Variants in ACIN1 observed in about 807,000 individuals in gnomAD.
ACIN1 encodes apoptotic chromatin condensation inducer in the nucleus.
A neutral mutation model predicts 146.6 loss-of-function variants in ACIN1; 16 were observed. The observed-to-expected ratio is 0.11, with a 90% CI of 0.07 to 0.17. The LOEUF is 0.17. Among genes scored for constraint, ACIN1 ranks in the 10% least tolerant of loss-of-function variants. The pLI is 1.00. For synonymous variants in ACIN1, 569 were observed against 582.7 expected, an observed-to-expected ratio of 0.98 and a Z score of 0.34; for missense variants, 1,357 against 1,609.3, an observed-to-expected ratio of 0.84 and a Z score of 2.68.
intron 1 of ACIN1, chr14:23,094,504 A>G (rs1458212702): frequency 1.0e-6 from 1 of 985,102 alleles, no homozygotes; most frequent in Non-Finnish European, 1.2e-6. Context: ...TCCTCATCTA[A>G]TCGAGCAGAC....
At chr14:23,076,970 A>T (rs1304873103) in intron 8 of ACIN1, among the ~76,000 whole-genome samples, 1 of 152,180 alleles carries the variant, frequency 6.6e-6, no homozygotes, top group Non-Finnish European at 1.5e-5. Flanking sequence ...AAAACCAAAA[A>T]ATTTCAAAGG....
intron 18 of ACIN1, among the ~76,000 whole-genome samples, chr14:23,059,758 A>G (rs1164468000): frequency 1.4e-5 from 2 of 148,108 alleles, no homozygotes; most frequent in Non-Finnish European, 3.0e-5. Context: ...GGTTCACACC[A>G]TTCTCCTGCC....
rs2047193806 is a variant in ACIN1, at chr14:23,059,352, CTG to C, written c.3646_3647del (p.Gln1216AlafsTer32). 6.2e-7 allele frequency: 1 copy of C among 1,610,722 alleles called. No individual in the cohort carries two copies. On this transcript the variant is annotated frameshift_variant, in exon 19 of 19. Transcript: ENST00000605057. LOFTEE classifies it high-confidence loss of function. ...GCTCCCGACGTTTCTCTCGCTCCAG[CTG>C]TCGGTTCCGTTCCCGCTCGGCTTCC... ...EKEAERERNR[Q>X]LEREKRREHS...
In ACIN1 at chr14:23,058,944, A is replaced by C. The variant is rs1032096273; in HGVS notation, c.*204T>G. On this transcript the variant is annotated 3_prime_UTR_variant, in exon 19 of 19. Transcript: ENST00000605057. Reference sequence around the variant, plus strand: ...TCAGACTTAATGGGAAATGAGAGGGAGGGTCGGGCTAAGTCCCAAGAGATA... The same window carrying C: ...TCAGACTTAATGGGAAATGAGAGGGCGGGTCGGGCTAAGTCCCAAGAGATA... The C allele has an allele frequency of 1.1e-5, 6 of 568,790 alleles. No homozygotes were observed. In the African/African-American group the frequency reaches 1.1e-4, roughly 11 times the overall value. The allele number at this position is 568,790 out of a possible 1,614,324, so 35.2% of individuals were successfully genotyped here. A position where few individuals can be genotyped will look rare whatever the true frequency, so the allele number is the denominator to read the frequency against.
At chr14:23,090,763 C>A in intron 2 of ACIN1, 130 bp from the exon 3 acceptor site, 1 of 649,836 alleles carries the variant, frequency 1.5e-6, no homozygotes, top group Non-Finnish European at 2.5e-6. Flanking sequence ...TGTTGGAAGG[C>A]TTTTTTCTAA....
chr14:23,061,779 C>G (rs142384018), intron 16 of ACIN1, among the ~76,000 whole-genome samples, 157 bp from the exon 17 acceptor site: 9,356 of 152,050 alleles, frequency 0.062, 474 homozygotes, highest in Admixed American at 0.16. Context: ...CGAGACCATC[C>G]TGGCTGACAC....
In ACIN1 at chr14:23,068,676, G is replaced by GGT; in HGVS notation, c.2265+799_2265+800insAC. ...CGGATTACCGTACATGAGGTACTTG[G>GGT]ACAAAGTTTTACGGGGAAGAAGGAC... On this transcript the variant is annotated intron_variant, in intron 9 of 18. Coordinates refer to ENST00000605057, the MANE Select transcript of ACIN1 (RefSeq NM_001386863.1). This position sits in a 1 kb window ranked among gnomAD's most constrained non-coding sequence, Gnocchi z 4.3. 1 of 985,818 alleles carries GGT rather than the reference G, an allele frequency of 1.0e-6. No homozygotes were observed. The highest frequency in any genetic ancestry group is 1.2e-6 in the Non-Finnish European group (1 of 829,958). The allele number at this position is 985,818 out of a possible 1,614,324, so 61.1% of individuals were successfully genotyped here.
chr14:23,078,798 G>A, intron 7 of ACIN1, 22 bp downstream of exon 7: 1 of 1,606,568 alleles, frequency 6.2e-7, no homozygotes, highest in African/African-American at 1.3e-5. Flanking sequence ...TCTCTGTGTA[G>A]GGAGGGGTCA....
intron 8 of ACIN1, among the ~76,000 whole-genome samples, chr14:23,072,272 T>TA (rs1157488806): frequency 1.6e-4 from 24 of 152,130 alleles, no homozygotes; most frequent in Non-Finnish European, 4.4e-5. Context: ...CAACTTTGTT[T>TA]TATAGAGTCT....
intron 4 of ACIN1, among the ~76,000 whole-genome samples, chr14:23,084,610 A>C (rs939524284): frequency 5.3e-5 from 8 of 149,664 alleles, no homozygotes; most frequent in Admixed American, 1.3e-4. Flanking sequence ...ACTCCATCTC[A>C]AAAAAGAAAA....
chr14:23,071,535 G>T (rs376842649), intron 8 of ACIN1: 12 of 1,551,262 alleles, frequency 7.7e-6, no homozygotes, highest in Non-Finnish European at 8.7e-6. Context: ...GCGATCAGCC[G>T]GAGACATGCA....
At chr14:23,078,315 T>G (rs2047853106) in intron 7 of ACIN1, 49 bp from the exon 8 acceptor site, 2 of 1,557,212 alleles carry the variant, frequency 1.3e-6, no homozygotes, top group Non-Finnish European at 8.8e-7. Flanking sequence ...TAGATCTGCT[T>G]GGTTCCTTTT....
chr14:23,082,536 CT>C (rs1363995290), intron 4 of ACIN1, among the ~76,000 whole-genome samples: 3 of 151,600 alleles, frequency 2.0e-5, no homozygotes, highest in Admixed American at 6.6e-5. Context: ...CCTCTGCCCC[CT>C]GGCTTCAAAC....
At position 23,062,148 on chromosome 14, in the gene ACIN1, C is replaced by G; in HGVS notation, c.3099+20G>C. 6.2e-7 allele frequency: 1 copy of G among 1,604,640 alleles called. No individual in the cohort carries two copies. Among genetic ancestry groups the G allele is most frequent in the Non-Finnish European group, 8.5e-7 (1 of 1,171,612 alleles). On this transcript the variant is annotated intron_variant, in intron 16 of 18. Coordinates refer to ENST00000605057, the MANE Select transcript of ACIN1 (RefSeq NM_001386863.1). ...GGCTTCCCCTGCCCCTCCTCTCTTT[C>G]CTCTCCCTAGGTTTCTTACCTCATC...
At chr14:23,078,021 G>T in intron 8 of ACIN1, 130 bp downstream of exon 8, 2 of 790,322 alleles carry the variant, frequency 2.5e-6, no homozygotes, top group Non-Finnish European at 4.0e-6. Flanking sequence ...TCTAGCCTTT[G>T]TCCAGATAAA....
rs1250339536 is a variant in ACIN1, at chr14:23,058,799, G to C, written c.*349C>G. 1 of 314,976 alleles carries C rather than the reference G, an allele frequency of 3.2e-6. No individual in the cohort carries two copies. The highest frequency in any genetic ancestry group is 5.9e-6 in the Non-Finnish European group (1 of 168,182). 19.5% of individuals were successfully genotyped at this position (314,976 alleles called of 1,614,324 possible). ...GTCCTGGCCCCGGCTGTTCCCAAGAGAAGGCTGTAAGTACCCAGGGAGGTG... is the reference window on the plus strand; with the variant it reads ...GTCCTGGCCCCGGCTGTTCCCAAGACAAGGCTGTAAGTACCCAGGGAGGTG... On this transcript the variant is annotated 3_prime_UTR_variant, in exon 19 of 19. Coordinates refer to ENST00000605057, the MANE Select transcript of ACIN1 (RefSeq NM_001386863.1).
chr14:23,063,288 G>A, intron 13 of ACIN1, 148 bp downstream of exon 13: 1 of 1,209,660 alleles, frequency 8.3e-7, no homozygotes, highest in Non-Finnish European at 1.1e-6. Flanking sequence ...TGGCCCTCAA[G>A]TAGCTTACTT....
At chr14:23,082,796 A>G (rs1379979490) in intron 4 of ACIN1, among the ~76,000 whole-genome samples, 3 of 149,790 alleles carry the variant, frequency 2.0e-5, no homozygotes, top group African/African-American at 7.4e-5. Context: ...ATGGAGTGCA[A>G]TGGCATGATC....
rs923768671 is a variant in ACIN1, at chr14:23,068,543, C to T, written c.2265+933G>A. 2 of 985,796 alleles carry T rather than the reference C, an allele frequency of 2.0e-6. No homozygotes were observed. Among genetic ancestry groups the T allele is most frequent in the South Asian group, 9.4e-5 (2 of 21,292 alleles). 61.1% of individuals were successfully genotyped at this position (985,796 alleles called of 1,614,324 possible). On this transcript the variant is annotated intron_variant, in intron 9 of 18. Coordinates refer to ENST00000605057, the MANE Select transcript of ACIN1 (RefSeq NM_001386863.1). The surrounding 1 kb of genome is among the most constrained non-coding windows in gnomAD (Gnocchi z 4.3). The stretch of plus-strand genomic sequence containing the variant: ...ACATGCCCCCCTCTGGCCAAGACAC[C>T]TGGATAGCAGACTTGGCTCTGATTG...
Sources: gnomAD v4.1 joint callset for allele counts (sites outside exome capture counted in the v4.1 genomes callset) on GRCh38, gnomAD v4.1.1 for gene constraint, Gnocchi (gnomAD v3.1) non-coding constraint, MANE v1.5 for transcripts, NCBI Gene and HGNC (gene_info 2026-07-23, HGNC 2026-07-21) for gene names.